The following NPSR1 variants were observed in gnomAD, a reference collection of about 807,000 sequenced individuals.
The protein encoded by NPSR1 is neuropeptide S receptor.
A neutral mutation model predicts 46.9 loss-of-function variants in NPSR1; 48 were observed. The observed-to-expected ratio is 1.02, with a 90% CI of 0.81 to 1.30. The LOEUF (loss-of-function observed/expected upper bound fraction) is 1.30. Ranked by LOEUF, NPSR1 falls within the 50% of genes most tolerant of loss-of-function variation. NPSR1 has a pLI of 0.00. For synonymous variants in NPSR1, 176 were observed against 168.1 expected (o/e 1.05, Z -0.36); for missense variants, 450 against 449.5 (o/e 1.00, Z -0.01).
At position 34,676,800 on chromosome 7, in the gene NPSR1, CG is replaced by C. The variant is rs1350163161; in HGVS notation, c.148-7748del. On this transcript the variant is annotated intron_variant, in intron 1 of 8. Transcript: ENST00000360581. ...TAGGAAGACCCCAAAAGCATTTGCC[CG>C]GGGAGGCTTCCTATGTCTGGAAGTG... 6.6e-5 allele frequency among the ~76,000 whole-genome samples: 10 copies of C among 152,132 alleles called. No individual in the cohort carries two copies. The South Asian group carries it at 1.7e-3, about 25-fold the overall frequency.
intron 6 of NPSR1, among the ~76,000 whole-genome samples, chr7:34,837,011 C>T (rs1412673068): frequency 2.6e-5 from 4 of 151,298 alleles, no homozygotes; most frequent in African/African-American, 9.7e-5. Context: ...TTTTACTTAG[C>T]GGAATATATA....
At chr7:34,779,153 T>C (rs1028233058) in intron 3 of NPSR1, among the ~76,000 whole-genome samples, 4 of 152,094 alleles carry the variant, frequency 2.6e-5, no homozygotes, top group Non-Finnish European at 4.4e-5. Context: ...ATCTGCTTCA[T>C]TGTAAGCCAT....
rs146517248 is a variant in NPSR1, at chr7:34,807,731, T to C, written c.385-4039T>C. 6.1e-3 allele frequency among the ~76,000 whole-genome samples: 924 copies of C among 152,344 alleles called. 5 individuals are homozygous for C. Among genetic ancestry groups the C allele is most frequent in the Non-Finnish European group, 9.4e-3 (637 of 68,022 alleles). ...AATGAAAGACCTTAAGTCATTCACATGTATTGCGACAAATAGTGTTTTGGT... is the reference window on the plus strand; with the variant it reads ...AATGAAAGACCTTAAGTCATTCACACGTATTGCGACAAATAGTGTTTTGGT... On this transcript the variant is annotated intron_variant, in intron 3 of 8. Transcript: ENST00000360581.
At chr7:34,865,715 T>C (rs956140677) in intron 8 of NPSR1, among the ~76,000 whole-genome samples, 10 of 151,736 alleles carry the variant, frequency 6.6e-5, no homozygotes, top group Non-Finnish European at 1.2e-4. Flanking sequence ...ATTTCTCTCT[T>C]CTGACTAGCC....
chr7:34,666,794 A>C (rs2609224), intron 1 of NPSR1, among the ~76,000 whole-genome samples: 46,190 of 151,836 alleles, frequency 0.3, 8,446 homozygotes, highest in African/African-American at 0.52. Context: ...CAGAGGCTGG[A>C]TCTGCCCATG....
rs115580637 is a variant in NPSR1 at position 34,831,709 on chromosome 7, G to C, written c.681-2675G>C. Among the ~76,000 whole-genome samples, 1,400 of 152,210 alleles carry C rather than the reference G, an allele frequency of 9.2e-3. 16 individuals are homozygous for C. The highest frequency in any genetic ancestry group is 0.02 in the Middle Eastern group (6 of 294). On this transcript the variant is annotated intron_variant, in intron 5 of 8. Transcript: ENST00000360581. ...GACATAACTGTCTAATTGTTGCTGG[G>C]GAGGTTATTAGCCCTGGTGTAATTG...
chr7:34,823,148 C>T (rs944062735), intron 4 of NPSR1, among the ~76,000 whole-genome samples: 2 of 151,924 alleles, frequency 1.3e-5, no homozygotes, highest in South Asian at 2.1e-4. Context: ...CCCAGCACTT[C>T]GGGAGGCTGA....
At chr7:34,678,283 G>T (rs58532228) in intron 1 of NPSR1, among the ~76,000 whole-genome samples, 1 of 138,352 alleles carries the variant, frequency 7.2e-6, no homozygotes, top group Admixed American at 8.0e-5. Flanking sequence ...GTGCAGTGGC[G>T]CCATCTCAGC....
At chr7:34,703,583 CTTCTCCACAAT>C (rs1793956061) in intron 2 of NPSR1, among the ~76,000 whole-genome samples, 3 of 152,034 alleles carry the variant, frequency 2.0e-5, no homozygotes, top group Admixed American at 2.0e-4. Context: ...TTTACCTCCA[CTTCTCCACAAT>C]TTTGATCCCT....
intron 2 of NPSR1, among the ~76,000 whole-genome samples, chr7:34,771,826 T>G (rs1265586850): frequency 6.6e-6 from 1 of 152,210 alleles, no homozygotes; most frequent in African/African-American, 2.4e-5. Context: ...CTCAGTTTGT[T>G]GTGAGATTAA....
chr7:34,804,413 G>A (rs922678626), intron 3 of NPSR1, among the ~76,000 whole-genome samples: 1 of 151,978 alleles, frequency 6.6e-6, no homozygotes, highest in African/African-American at 2.4e-5. Flanking sequence ...ACAAGATAAA[G>A]AAGGAAAATT....
At chr7:34,678,452 C>T (rs1792440476) in intron 1 of NPSR1, among the ~76,000 whole-genome samples, 1 of 151,906 alleles carries the variant, frequency 6.6e-6, no homozygotes, top group Non-Finnish European at 1.5e-5. Flanking sequence ...GAAACAGATC[C>T]CCTAAAAGAA....
At chr7:34,878,159 T>A in exon 9 of NPSR1, 1 of 1,603,326 alleles carries the variant, frequency 6.2e-7, no homozygotes, top group East Asian at 2.2e-5. Context: ...TGGCCAGGTG[T>A]ACCTTCCTGG....
At chr7:34,683,295 A>C (rs1209817488) in intron 1 of NPSR1, among the ~76,000 whole-genome samples, 2 of 151,768 alleles carry the variant, frequency 1.3e-5, no homozygotes, top group Non-Finnish European at 2.9e-5. Context: ...ATACAAAAAA[A>C]AATTCGCCGG....
rs184806991 is a variant in NPSR1, at chr7:34,731,555, T to C, written c.280+46871T>C. Among the ~76,000 whole-genome samples the C allele has an allele frequency of 1.7e-4, 26 of 152,318 alleles. No homozygotes were observed. In the East Asian group the frequency reaches 2.9e-3, roughly 17 times the overall value. On this transcript the variant is annotated intron_variant, in intron 2 of 8. Transcript: ENST00000360581. Reference sequence around the variant, plus strand: ...TTATTCCACCAATATGTATTACTTATGTAATTCAAAGAAGTGATTTTACAA... The same window carrying C: ...TTATTCCACCAATATGTATTACTTACGTAATTCAAAGAAGTGATTTTACAA...
intron 2 of NPSR1, chr7:34,710,649 G>C (rs572059828): frequency 5.5e-6 from 1 of 182,308 alleles, no homozygotes; most frequent in East Asian, 1.7e-4. Context: ...AGAGAACAAA[G>C]ACTTCATACA....
At chr7:34,745,867 C>G (rs948203552) in intron 2 of NPSR1, among the ~76,000 whole-genome samples, 1 of 152,210 alleles carries the variant, frequency 6.6e-6, no homozygotes, top group African/African-American at 2.4e-5. Flanking sequence ...TATATGCAAT[C>G]TTTGCACATC....
intron 2 of NPSR1, among the ~76,000 whole-genome samples, chr7:34,725,752 G>A (rs115854287): frequency 7.8e-4 from 119 of 152,250 alleles, no homozygotes; most frequent in Middle Eastern, 3.4e-3. Flanking sequence ...GACAGACATC[G>A]GATAAAGGAC....
At chr7:34,813,869 G>A (rs1789112999) in intron 4 of NPSR1, among the ~76,000 whole-genome samples, 1 of 152,148 alleles carries the variant, frequency 6.6e-6, no homozygotes, top group Non-Finnish European at 1.5e-5. Flanking sequence ...TGCTTGTTAT[G>A]CCTACTGTAC....
Sources: allele counts gnomAD v4.1 joint callset (sites outside exome capture counted in the v4.1 genomes callset), GRCh38; gene constraint gnomAD v4.1.1; transcripts MANE v1.5; gene names NCBI Gene and HGNC (gene_info 2026-07-23, HGNC 2026-07-21).